The following RETREG1 variants were observed in gnomAD, a reference collection of about 807,000 sequenced individuals.
RETREG1 encodes the protein reticulophagy regulator 1.
A neutral mutation model predicts 54.8 loss-of-function variants in RETREG1; 44 were observed. The observed-to-expected ratio is 0.80, with a 90% CI of 0.63 to 1.03. RETREG1 has a LOEUF of 1.03. Ranked by LOEUF, RETREG1 falls within the 50% of genes least tolerant of loss-of-function variation. The pLI is 0.00. For synonymous variants in RETREG1, 217 were observed against 238.5 expected (o/e 0.91, Z 0.83); for missense variants, 554 against 605.1 (o/e 0.92, Z 0.89).
At chr5:16,533,522 G>A (rs574254568) in intron 3 of RETREG1, among the ~76,000 whole-genome samples, 3 of 152,202 alleles carry the variant, frequency 2.0e-5, no homozygotes, top group Non-Finnish European at 4.4e-5. Context: ...CTTCATCAAG[G>A]GATGCTCAGG....
intron 3 of RETREG1, among the ~76,000 whole-genome samples, chr5:16,534,590 G>A (rs1265516616): frequency 2.0e-5 from 3 of 152,226 alleles, no homozygotes; most frequent in African/African-American, 4.8e-5. Flanking sequence ...ATGTGTGAAT[G>A]AATCAGAAGG....
intron 3 of RETREG1, among the ~76,000 whole-genome samples, chr5:16,555,039 T>C (rs2617424): frequency 0.82 from 125,010 of 152,178 alleles, 51,341 homozygotes; most frequent in Middle Eastern, 0.87. Context: ...TACTCCCTCT[T>C]CTGCTTTAGT....
At chr5:16,574,587 G>C (rs1012685391) in intron 1 of RETREG1, among the ~76,000 whole-genome samples, 2 of 152,190 alleles carry the variant, frequency 1.3e-5, no homozygotes, top group African/African-American at 4.8e-5. Context: ...GCCTGGGCCA[G>C]CAAAATGAGC....
chr5:16,583,377 C>G (rs975689861), intron 1 of RETREG1, among the ~76,000 whole-genome samples: 3 of 151,878 alleles, frequency 2.0e-5, no homozygotes, highest in African/African-American at 7.3e-5. Flanking sequence ...CCTGTAGTCC[C>G]AGATACTAAG....
chr5:16,580,281 C>A (rs1049942900), intron 1 of RETREG1, among the ~76,000 whole-genome samples: 2 of 152,140 alleles, frequency 1.3e-5, no homozygotes, highest in Middle Eastern at 3.2e-3. Flanking sequence ...GCAGAGTGAC[C>A]TAGATTACTA....
At chr5:16,504,384 T>C (rs1014155044) in intron 3 of RETREG1, among the ~76,000 whole-genome samples, 3 of 152,220 alleles carry the variant, frequency 2.0e-5, no homozygotes, top group Non-Finnish European at 4.4e-5. Context: ...CAAGTGGTGA[T>C]GTGAAATCAA....
At chr5:16,610,418 T>C (rs1743303779) in intron 1 of RETREG1, among the ~76,000 whole-genome samples, 1 of 152,250 alleles carries the variant, frequency 6.6e-6, no homozygotes, top group South Asian at 2.1e-4. Context: ...CTAAATGCCA[T>C]GGTCTCCAAC....
At chr5:16,573,165 A>T (rs1174201072) in intron 1 of RETREG1, among the ~76,000 whole-genome samples, 1 of 114,176 alleles carries the variant, frequency 8.8e-6, no homozygotes, top group Non-Finnish European at 1.7e-5. Flanking sequence ...CTGGTGAGAG[A>T]GTGAGATTCT....
chr5:16,481,603 C>T (rs1415699065), intron 4 of RETREG1, among the ~76,000 whole-genome samples: 2 of 151,962 alleles, frequency 1.3e-5, no homozygotes, highest in Non-Finnish European at 2.9e-5. Context: ...TAATTTATAG[C>T]TGCTAAGCTG....
At chr5:16,528,877 G>C (rs993406184) in intron 3 of RETREG1, among the ~76,000 whole-genome samples, 3 of 152,146 alleles carry the variant, frequency 2.0e-5, no homozygotes, top group African/African-American at 7.2e-5. Context: ...GCAGCCACAG[G>C]CAGTAAGCAG....
At chr5:16,532,589 C>A (rs1740946619) in intron 3 of RETREG1, among the ~76,000 whole-genome samples, 1 of 152,146 alleles carries the variant, frequency 6.6e-6, no homozygotes, top group Non-Finnish European at 1.5e-5. Flanking sequence ...AAGTGTGCCC[C>A]TATTATCTGC....
In RETREG1 at chr5:16,504,153, C is replaced by T. The variant is rs796833712; in HGVS notation, c.459-20681G>A. On this transcript the variant is annotated intron_variant, in intron 3 of 8. Coordinates refer to ENST00000306320, the MANE Select transcript of RETREG1 (RefSeq NM_001034850.3). ...CCCACTTGTAAGTGAGAACATGCAG[C>T]GTTTGGTTTTCTGTTCCTGCATTAG... Among the ~76,000 whole-genome samples, 6 of 152,222 alleles carry T rather than the reference C, an allele frequency of 3.9e-5. No individual in the cohort carries two copies. In the South Asian group the frequency reaches 8.3e-4, roughly 21 times the overall value.
chr5:16,576,133 G>A (rs192449726), intron 1 of RETREG1, among the ~76,000 whole-genome samples: 92 of 152,066 alleles, frequency 6.0e-4, no homozygotes, highest in African/African-American at 2.0e-3. Flanking sequence ...TAATAAACCC[G>A]GTTTCAACAA....
intron 1 of RETREG1, among the ~76,000 whole-genome samples, chr5:16,588,469 G>A (rs6868146): frequency 5.3e-5 from 8 of 152,076 alleles, no homozygotes; most frequent in African/African-American, 1.9e-4. Context: ...ATTTGAATTT[G>A]GGGGCAGCAC....
At chr5:16,527,384 A>G (rs1740746115) in intron 3 of RETREG1, among the ~76,000 whole-genome samples, 1 of 152,188 alleles carries the variant, frequency 6.6e-6, no homozygotes, top group East Asian at 1.9e-4. Flanking sequence ...GTTTTCCTTC[A>G]CTTTACCTAA....
At chr5:16,552,296 C>T (rs559076417) in intron 3 of RETREG1, among the ~76,000 whole-genome samples, 11 of 152,310 alleles carry the variant, frequency 7.2e-5, no homozygotes, top group African/African-American at 2.4e-4. Context: ...TCTTTCCACA[C>T]AATCACTTGC....
rs143953710 is a variant in RETREG1, at chr5:16,611,907, A to G, written c.320+4745T>C. Among the ~76,000 whole-genome samples, 11 of 152,192 alleles carry G rather than the reference A, an allele frequency of 7.2e-5. No homozygotes were observed. In the East Asian group the frequency reaches 2.1e-3, roughly 29 times the overall value. ...TGGTGAAACCCTGTCACCACTAAAA[A>G]TACAAAAATTAGCCAGGCTTGGTGG... On this transcript the variant is annotated intron_variant, in intron 1 of 8. Transcript: ENST00000306320.
chr5:16,489,748 G>A (rs1579596791), intron 3 of RETREG1, among the ~76,000 whole-genome samples: 1 of 152,198 alleles, frequency 6.6e-6, no homozygotes, highest in African/African-American at 2.4e-5. Flanking sequence ...ATGATGCAAA[G>A]CCTACACACA....
intron 3 of RETREG1, among the ~76,000 whole-genome samples, chr5:16,527,788 C>A (rs754719599): frequency 4.5e-5 from 5 of 111,418 alleles, no homozygotes; most frequent in African/African-American, 1.6e-4. Context: ...AGTACAATTT[C>A]GAGGGACTCT....
Sources: gnomAD v4.1 joint callset for allele counts (sites outside exome capture counted in the v4.1 genomes callset) on GRCh38, gnomAD v4.1.1 for gene constraint, MANE v1.5 for transcripts, NCBI Gene and HGNC (gene_info 2026-07-23, HGNC 2026-07-21) for gene names.